SVIP: variants seen among roughly 807,000 people sequenced by gnomAD.
The protein encoded by SVIP is small VCP interacting protein.
SVIP carries 14 observed loss-of-function variants against 12.9 expected under a neutral mutation model. The ratio of observed to expected loss-of-function variants is 1.08; its 90% CI spans 0.72 to 1.70. SVIP has a LOEUF of 1.70. Ranked by LOEUF, SVIP falls within the 40% of genes most tolerant of loss-of-function variation. SVIP has a pLI of 0.00. For synonymous variants in SVIP, 35 were observed against 33.3 expected, an observed-to-expected ratio of 1.05 and a Z score of -0.17; for missense variants, 93 against 90.8, an observed-to-expected ratio of 1.02 and a Z score of -0.10.
intron 3 of SVIP, among the ~76,000 whole-genome samples, chr11:22,824,779 C>T (rs146928789): frequency 2.3e-4 from 35 of 152,102 alleles, no homozygotes; most frequent in Non-Finnish European, 4.0e-4. Context: ...CATTAGATTA[C>T]CTTGGGAAGC....
Position 22,824,448 on chromosome 11 carries a change from A to ATATGTACG in SVIP, c.220-1316_220-1315insCGTACATA, listed in dbSNP as rs1272322731. Among the ~76,000 whole-genome samples the ATATGTACG allele has an allele frequency of 2.9e-3, 288 of 99,798 alleles. 5 individuals are homozygous for ATATGTACG. The highest frequency in any genetic ancestry group is 0.02 in the East Asian group (89 of 4,372). The allele number at this position is 99,798 out of a possible 152,430, so 65.5% of individuals were successfully genotyped here. On this transcript the variant is annotated intron_variant, in intron 3 of 3. Transcript: ENST00000354193. ...TATATATATATATACACACACACAT[A>ATATGTACG]TATATATATATACACATATATATAC...
chr11:22,829,678 G>A lies in SVIP; in HGVS notation c.54+17C>T, dbSNP rs1257361221. 2.5e-6 allele frequency: 4 copies of A among 1,586,372 alleles called. No homozygotes were observed. Among genetic ancestry groups the A allele is most frequent in the African/African-American group, 2.7e-5 (2 of 74,198 alleles). On this transcript the variant is annotated intron_variant, in intron 1 of 3. Coordinates refer to ENST00000354193, the MANE Select transcript of SVIP (RefSeq NM_148893.3). ...TCAAGGCGCGGCCCGGCGGACGCAG[G>A]GACCTGCTCTACTCACCAGGTCCGG...
Position 22,823,125 on chromosome 11 carries a change from A to G in SVIP, c.228T>C (p.Val76=). The change falls in exon 4 of 4, where the codon GTT becomes GTC. Residue 76 remains valine, a synonymous_variant. Transcript: ENST00000354193. ...CTTCTACTCATGTTATGCTTTATGA[A>G]ACTGTCCACTAGAAAAGATAAAAAA... ...PPPEGGLRWT[V]S 6.3e-7 allele frequency: 1 copy of G among 1,594,114 alleles called. No homozygotes were observed. The highest frequency in any genetic ancestry group is 8.5e-7 in the Non-Finnish European group (1 of 1,169,972).
Position 22,820,456 on chromosome 11 carries a change from T to C in SVIP, c.*2663A>G, listed in dbSNP as rs1386581440. The C allele has an allele frequency of 6.6e-6, 1 of 152,198 alleles. No individual in the cohort carries two copies. The highest frequency in any genetic ancestry group is 1.9e-4 in the East Asian group (1 of 5,198). 9.4% of individuals were successfully genotyped at this position (152,198 alleles called of 1,614,324 possible). A position where few individuals can be genotyped will look rare whatever the true frequency, so the allele number is the denominator to read the frequency against. ...TCCACCTATAAATCCAGGGATTGTA[T>C]GAACACACCAAACAACCTTTGGTTC... On this transcript the variant is annotated 3_prime_UTR_variant, in exon 4 of 4. Transcript: ENST00000354193.
At chr11:22,829,466 C>CTT in intron 1 of SVIP, 1 of 444,042 alleles carries the variant, frequency 2.3e-6, no homozygotes, top group Non-Finnish European at 4.0e-6. Flanking sequence ...CCACAGCCGC[C>CTT]TTTCGACAAC....
chr11:22,826,589 GT>G (rs1483262193), intron 3 of SVIP, among the ~76,000 whole-genome samples: 3 of 152,134 alleles, frequency 2.0e-5, no homozygotes, highest in African/African-American at 7.2e-5. Flanking sequence ...CTGCTAGAGT[GT>G]AAAGACTCCA....
rs1332839705 is a variant in SVIP, at chr11:22,827,260, T to C, written c.166A>G (p.Lys56Glu). The change falls in exon 3 of 4, where the codon AAA becomes GAA. Residue 56 changes from lysine to glutamate, a missense_variant. Coordinates refer to ENST00000354193, the MANE Select transcript of SVIP (RefSeq NM_148893.3). Reference protein sequence around the residue: ...SVQEKRKKKEKIEKQIATSGP... With the variant: ...SVQEKRKKKEEIEKQIATSGP... Reference sequence around the variant, plus strand: ...GATGTAGCAATTTGTTTTTCTATTTTTTCCTTTTTCTTTCTCTTTTCTTGC... The same window carrying C: ...GATGTAGCAATTTGTTTTTCTATTTCTTCCTTTTTCTTTCTCTTTTCTTGC... 1 of 1,611,362 alleles carries C rather than the reference T, an allele frequency of 6.2e-7. No homozygotes were observed.
rs117400944 is a variant in SVIP at position 22,827,678 on chromosome 11, A to G, written c.105+146T>C. On this transcript the variant is annotated intron_variant, in intron 2 of 3. Transcript: ENST00000354193. Reference sequence around the variant, plus strand: ...TTAATGCAATTCATATAAATAAGGAAATCATTTTGAAAATAATTACATTTA... The same window carrying G: ...TTAATGCAATTCATATAAATAAGGAGATCATTTTGAAAATAATTACATTTA... The G allele has an allele frequency of 1.5e-3, 800 of 518,930 alleles. 9 individuals are homozygous for G. In the East Asian group the frequency reaches 0.026, roughly 17 times the overall value. The allele number at this position is 518,930 out of a possible 1,614,324, so 32.1% of individuals were successfully genotyped here.
intron 3 of SVIP, among the ~76,000 whole-genome samples, chr11:22,826,383 A>C (rs1262284251): frequency 6.6e-6 from 1 of 152,168 alleles, no homozygotes; most frequent in East Asian, 1.9e-4. Flanking sequence ...TTTGAGAGAA[A>C]AAAAACCAAT....
chr11:22,823,051 G>C lies in SVIP; in HGVS notation c.*68C>G. 2 of 1,338,648 alleles carry C rather than the reference G, an allele frequency of 1.5e-6. No homozygotes were observed. Among genetic ancestry groups the C allele is most frequent in the Non-Finnish European group, 2.1e-6 (2 of 970,258 alleles). The allele number at this position is 1,338,648 out of a possible 1,614,324, so 82.9% of individuals were successfully genotyped here. A position where few individuals can be genotyped will look rare whatever the true frequency, so the allele number is the denominator to read the frequency against. Reference sequence around the variant, plus strand: ...TTACTCAAAGAGAAGAAATTAAATTGATGAAGCCCACTTGATTGCAGATAA... The same window carrying C: ...TTACTCAAAGAGAAGAAATTAAATTCATGAAGCCCACTTGATTGCAGATAA... On this transcript the variant is annotated 3_prime_UTR_variant, in exon 4 of 4. Transcript: ENST00000354193.
chr11:22,824,024 T>C (rs1208922118), intron 3 of SVIP, among the ~76,000 whole-genome samples: 3 of 152,162 alleles, frequency 2.0e-5, no homozygotes, highest in Non-Finnish European at 4.4e-5. Context: ...CACGTGTGAG[T>C]GACTGTGCTC....
chr11:22,824,775 A>G (rs980857469), intron 3 of SVIP, among the ~76,000 whole-genome samples: 2 of 152,088 alleles, frequency 1.3e-5, no homozygotes, highest in Admixed American at 6.5e-5. Context: ...TTCACATTAG[A>G]TTACCTTGGG....
chr11:22,827,935 A>G lies in SVIP; in HGVS notation c.55-61T>C, dbSNP rs1857785685. The G allele has an allele frequency of 2.4e-6, 3 of 1,270,052 alleles. No individual in the cohort carries two copies. The South Asian group carries it at 4.7e-5, about 20-fold the overall frequency. 78.7% of individuals were successfully genotyped at this position (1,270,052 alleles called of 1,614,324 possible). A position where few individuals can be genotyped will look rare whatever the true frequency, so the allele number is the denominator to read the frequency against. ...AAACATTATTATTAATAAATTATTC[A>G]CATTTATTTCATAGGCACTATAACA... On this transcript the variant is annotated intron_variant, in intron 1 of 3. Transcript: ENST00000354193.
rs1857538390 is a variant in SVIP at position 22,823,040 on chromosome 11, G to T, written c.*79C>A. 3 of 1,239,068 alleles carry T rather than the reference G, an allele frequency of 2.4e-6. No individual in the cohort carries two copies. Among genetic ancestry groups the T allele is most frequent in the Non-Finnish European group, 3.4e-6 (3 of 889,804 alleles). The allele number at this position is 1,239,068 out of a possible 1,614,324, so 76.8% of individuals were successfully genotyped here. On this transcript the variant is annotated 3_prime_UTR_variant, in exon 4 of 4. Coordinates refer to ENST00000354193, the MANE Select transcript of SVIP (RefSeq NM_148893.3). ...TGAATCTTCATTTACTCAAAGAGAA[G>T]AAATTAAATTGATGAAGCCCACTTG...
Position 22,822,286 on chromosome 11 carries a change from C to A in SVIP, c.*833G>T, listed in dbSNP as rs1857515091. 1 of 151,942 alleles carries A rather than the reference C, an allele frequency of 6.6e-6. No homozygotes were observed. Among genetic ancestry groups the A allele is most frequent in the Non-Finnish European group, 1.5e-5 (1 of 67,948 alleles). The allele number at this position is 151,942 out of a possible 1,614,324, so 9.4% of individuals were successfully genotyped here. On this transcript the variant is annotated 3_prime_UTR_variant, in exon 4 of 4. Coordinates refer to ENST00000354193, the MANE Select transcript of SVIP (RefSeq NM_148893.3). ...TTCACATCTGTATAAATCTTATGAT[C>A]GTTCTCTAATAAGTACACAAGATTA...
At position 22,821,778 on chromosome 11, in the gene SVIP, T is replaced by C. The variant is rs1471668051; in HGVS notation, c.*1341A>G. Reference sequence around the variant, plus strand: ...GTTTTGCCTAGATATTCACACAATATTTCACACCATAATAGAAAAAATAAT... The same window carrying C: ...GTTTTGCCTAGATATTCACACAATACTTCACACCATAATAGAAAAAATAAT... On this transcript the variant is annotated 3_prime_UTR_variant, in exon 4 of 4. Coordinates refer to ENST00000354193, the MANE Select transcript of SVIP (RefSeq NM_148893.3). 2 of 152,140 alleles carry C rather than the reference T, an allele frequency of 1.3e-5. No individual in the cohort carries two copies. Among genetic ancestry groups the C allele is most frequent in the Non-Finnish European group, 2.9e-5 (2 of 67,994 alleles). 9.4% of individuals were successfully genotyped at this position (152,140 alleles called of 1,614,324 possible).
chr11:22,829,106 AT>A (rs1857841633), intron 1 of SVIP, among the ~76,000 whole-genome samples: 1 of 152,166 alleles, frequency 6.6e-6, no homozygotes, highest in Non-Finnish European at 1.5e-5. Context: ...GGTGTCCAGT[AT>A]TTTTATTAAA....
At chr11:22,826,251 G>T (rs1385505521) in intron 3 of SVIP, among the ~76,000 whole-genome samples, 1 of 152,128 alleles carries the variant, frequency 6.6e-6, no homozygotes, top group African/African-American at 2.4e-5. Context: ...TCTTGAGCCA[G>T]AATCAACTGC....
chr11:22,823,213 A>G, intron 3 of SVIP, 80 bp from the exon 4 acceptor site: 1 of 1,021,626 alleles, frequency 9.8e-7, no homozygotes, highest in Non-Finnish European at 1.4e-6. Context: ...AAACAGGTAA[A>G]AAGAGGAATA....
Sources: allele counts gnomAD v4.1 joint callset (sites outside exome capture counted in the v4.1 genomes callset), GRCh38; gene constraint gnomAD v4.1.1; transcripts MANE v1.5; gene names NCBI Gene and HGNC (gene_info 2026-07-23, HGNC 2026-07-21).